The following UNC13C variants were observed in gnomAD, a reference collection of about 807,000 sequenced individuals.
The protein encoded by UNC13C is protein unc-13 homolog C.
A neutral mutation model predicts 245.4 loss-of-function variants in UNC13C; 174 were observed. That is an observed-to-expected ratio of 0.71 (90% CI 0.63 to 0.80). The LOEUF (loss-of-function observed/expected upper bound fraction) is 0.80. Ranked by LOEUF, UNC13C falls within the 30% of genes least tolerant of loss-of-function variation. The probability of loss-of-function intolerance (pLI) is 0.00; values close to 1 mark genes in which losing one functional copy is unlikely to be tolerated. For missense variants in UNC13C, 2,829 were observed against 2,602.9 expected, an observed-to-expected ratio of 1.09 and a Z score of -1.89; for synonymous variants, 992 against 895.1, an observed-to-expected ratio of 1.11 and a Z score of -1.93.
chr15:54,289,496 G>A (rs1018902985), intron 10 of UNC13C, among the ~76,000 whole-genome samples: 1 of 152,012 alleles, frequency 6.6e-6, no homozygotes, highest in Non-Finnish European at 1.5e-5. Flanking sequence ...TCAGTTCTAT[G>A]TTTTTAGACT....
At chr15:54,285,524 A>G (rs2037121662) in intron 10 of UNC13C, among the ~76,000 whole-genome samples, 1 of 152,198 alleles carries the variant, frequency 6.6e-6, no homozygotes, top group Admixed American at 6.5e-5. Context: ...TTGCTGGGTC[A>G]GAGTTTAAGG....
chr15:54,454,807 TTC>T (rs773493918), intron 19 of UNC13C, among the ~76,000 whole-genome samples: 16,030 of 99,514 alleles, frequency 0.16, 1,135 homozygotes, highest in African/African-American at 0.29. Context: ...TATTTATTCA[TTC>T]ATTCATTCAT....
chr15:54,187,547 C>A (rs543989996), intron 4 of UNC13C, among the ~76,000 whole-genome samples: 1 of 152,244 alleles, frequency 6.6e-6, no homozygotes, highest in South Asian at 2.1e-4. Context: ...GTCTCTGATA[C>A]CCCTCTGCTC....
intron 19 of UNC13C, among the ~76,000 whole-genome samples, chr15:54,430,569 T>TA (rs1470457507): frequency 6.6e-6 from 1 of 151,672 alleles, no homozygotes; most frequent in African/African-American, 2.4e-5. Context: ...AAATCAGCAT[T>TA]AAATATTAAT....
intron 4 of UNC13C, among the ~76,000 whole-genome samples, chr15:54,189,316 T>C (rs548304508): frequency 6.6e-6 from 1 of 152,304 alleles, no homozygotes; most frequent in African/African-American, 2.4e-5. Context: ...TGCCTGCACA[T>C]ATTCTACTCA....
At chr15:54,235,224 T>C (rs1192733322) in intron 5 of UNC13C, 116 bp downstream of exon 5, 1 of 806,630 alleles carries the variant, frequency 1.2e-6, no homozygotes, top group Non-Finnish European at 2.0e-6. Context: ...AATAAAAATA[T>C]ATGAGGCCAG....
At chr15:54,248,240 C>T (rs944292774) in intron 7 of UNC13C, among the ~76,000 whole-genome samples, 7 of 151,996 alleles carry the variant, frequency 4.6e-5, no homozygotes, top group African/African-American at 1.2e-4. Flanking sequence ...TTAAAACAAA[C>T]GAGTTGCCTG....
Position 54,617,147 on chromosome 15 carries a change from G to A in UNC13C, c.6107-5180G>A, listed in dbSNP as rs1471121319. ...AACACATTTTTCAGAATTTATGCCC[G>A]TCATTAAGTGACATGTGACTGTAGA... On this transcript the variant is annotated intron_variant, in intron 30 of 32. Coordinates refer to ENST00000260323, the MANE Select transcript of UNC13C (RefSeq NM_001080534.3). Among the ~76,000 whole-genome samples, 8 of 152,032 alleles carry A rather than the reference G, an allele frequency of 5.3e-5. No individual in the cohort carries two copies. In the South Asian group the frequency reaches 6.2e-4, roughly 12 times the overall value.
chr15:53,990,024 A>G (rs1045448877), intron 1 of UNC13C, among the ~76,000 whole-genome samples: 1 of 152,042 alleles, frequency 6.6e-6, no homozygotes, highest in Non-Finnish European at 1.5e-5. Context: ...TACTTACTTG[A>G]GGCAAAATTC....
chr15:53,895,400 T>C, the UNC13C span, among the ~76,000 whole-genome samples: 2 of 151,638 alleles, frequency 1.3e-5, no homozygotes, highest in South Asian at 4.2e-4. Context: ...GTAATGGTCT[T>C]TGTCTTTTGG....
intron 2 of UNC13C, among the ~76,000 whole-genome samples, chr15:54,031,111 T>A (rs749974030): frequency 1.3e-4 from 20 of 152,160 alleles, no homozygotes; most frequent in Admixed American, 1.1e-3. Flanking sequence ...CTTTGTAGAA[T>A]GAGTGATATT....
At chr15:53,876,044 A>T in the UNC13C span, among the ~76,000 whole-genome samples, 4 of 152,304 alleles carry the variant, frequency 2.6e-5, no homozygotes, top group East Asian at 3.9e-4. Context: ...TTTTGTTCCC[A>T]CGTAATGATT....
chr15:54,296,381 T>TTTTTG (rs2037433492), intron 11 of UNC13C, among the ~76,000 whole-genome samples: 1 of 82,006 alleles, frequency 1.2e-5, no homozygotes, highest in South Asian at 3.7e-4. Context: ...TTTTTTTTTT[T>TTTTTG]TATTTTTTTT....
chr15:54,168,877 G>T (rs2033282351), intron 4 of UNC13C, among the ~76,000 whole-genome samples: 1 of 152,136 alleles, frequency 6.6e-6, no homozygotes. Flanking sequence ...CTCATAACAA[G>T]TGCTGTGTCT....
Position 54,013,447 on chromosome 15 carries a change from C to T in UNC13C, c.544C>T (p.Arg182Ter), listed in dbSNP as rs779280629. The stretch of plus-strand genomic sequence containing the variant: ...ACATGGCTTAAAACTGGGAGCTTTA[C>T]GAAAACTGAGAAAATGGAAAAAGAG... ...TLHGLKLGALRKLRKWKKSQE... is the reference protein window; with the variant it reads ...TLHGLKLGAL The change falls in exon 2 of 33, where the codon CGA becomes TGA. Residue 182 changes from arginine to a stop codon, truncating the protein, a stop_gained. Coordinates refer to ENST00000260323, the MANE Select transcript of UNC13C (RefSeq NM_001080534.3). LOFTEE classifies it high-confidence loss of function. 1.2e-6 allele frequency: 2 copies of T among 1,613,634 alleles called. No individual in the cohort carries two copies. Among genetic ancestry groups the T allele is most frequent in the South Asian group, 1.1e-5 (1 of 91,078 alleles).
chr15:53,973,459 C>T (rs1893601014), upstream of UNC13C, among the ~76,000 whole-genome samples: 1 of 151,932 alleles, frequency 6.6e-6, no homozygotes, highest in African/African-American at 2.4e-5. Flanking sequence ...TGTTAAGAAA[C>T]TTTACTAAAG....
At chr15:54,073,889 C>T (rs7170206) in intron 2 of UNC13C, among the ~76,000 whole-genome samples, 71,183 of 152,018 alleles carry the variant, frequency 0.47, 18,650 homozygotes, top group Non-Finnish European at 0.6. Context: ...TTAATTAGAT[C>T]CCATTTGTCA....
At chr15:53,854,193 T>C in the UNC13C span, among the ~76,000 whole-genome samples, 2 of 148,866 alleles carry the variant, frequency 1.3e-5, no homozygotes, top group Admixed American at 1.4e-4. Context: ...CAATCTTGGC[T>C]CACTGCAACT....
Position 54,146,662 on chromosome 15 carries a change from A to T in UNC13C, c.3071+2978A>T, listed in dbSNP as rs533946813. The stretch of plus-strand genomic sequence containing the variant: ...GATACATGTTTTGGTGAAATCAATG[A>T]ATTTAACATTTATACCCTTTAGTGG... On this transcript the variant is annotated intron_variant, in intron 4 of 32. Transcript: ENST00000260323. Among the ~76,000 whole-genome samples, 8 of 152,360 alleles carry T rather than the reference A, an allele frequency of 5.3e-5. No individual in the cohort carries two copies. In the East Asian group the frequency reaches 1.5e-3, roughly 29 times the overall value.
Sources: gnomAD v4.1 joint callset for allele counts (sites outside exome capture counted in the v4.1 genomes callset) on GRCh38, gnomAD v4.1.1 for gene constraint, MANE v1.5 for transcripts, NCBI Gene and HGNC (gene_info 2026-07-23, HGNC 2026-07-21) for gene names.